The following EML1 variants were observed in gnomAD, a reference collection of about 807,000 sequenced individuals.
EML1 encodes echinoderm microtubule-associated protein-like 1.
In EML1, 27 loss-of-function variants were observed where a neutral mutation model predicts 110.4. The ratio of observed to expected loss-of-function variants is 0.24; its 90% CI spans 0.18 to 0.34. The LOEUF (loss-of-function observed/expected upper bound fraction) is 0.34, where lower values mean the gene tolerates loss of function less well. Ranked by LOEUF, EML1 falls within the 10% of genes least tolerant of loss-of-function variation. The probability of loss-of-function intolerance (pLI) is 1.00; values close to 1 mark genes in which losing one functional copy is unlikely to be tolerated. For synonymous variants in EML1, 344 were observed against 385.8 expected, an observed-to-expected ratio of 0.89 and a Z score of 1.27; for missense variants, 741 against 1,030.9, an observed-to-expected ratio of 0.72 and a Z score of 3.85.
chr14:99,938,667 G>A (rs2060518725), intron 20 of EML1, among the ~76,000 whole-genome samples: 1 of 152,238 alleles, frequency 6.6e-6, no homozygotes, highest in African/African-American at 2.4e-5. Context: ...GGGATGCAGA[G>A]CCTGGAGCCA....
At chr14:99,800,097 G>A (rs1011684747) in intron 1 of EML1, among the ~76,000 whole-genome samples, 7 of 152,134 alleles carry the variant, frequency 4.6e-5, no homozygotes, top group Non-Finnish European at 4.4e-5. Flanking sequence ...CAAACAAAAA[G>A]TGTGCTGTAA....
intron 9 of EML1, among the ~76,000 whole-genome samples, chr14:99,903,210 A>G (rs2140025763): frequency 6.6e-6 from 1 of 152,348 alleles, no homozygotes; most frequent in Non-Finnish European, 1.5e-5. Context: ...GATCAGCAAC[A>G]TTTTAAGCAA....
Position 99,939,281 on chromosome 14 carries a change from A to T in EML1, c.2276A>T (p.Asp759Val). 1 of 1,614,204 alleles carries T rather than the reference A, an allele frequency of 6.2e-7. No individual in the cohort carries two copies. Among genetic ancestry groups the T allele is most frequent in the Non-Finnish European group, 8.5e-7 (1 of 1,180,034 alleles). ...AAGAAACTCCTGTCAACAGGCGACG[A>T]CTTTGGCAAAGTGCACCTCTTCTCA... ...HEKKLLSTGDDFGKVHLFSYP... is the reference protein window; with the variant it reads ...HEKKLLSTGDVFGKVHLFSYP... The change falls in exon 21 of 22, where the codon GAC becomes GTC. Residue 759 changes from aspartate to valine, a missense_variant. Coordinates refer to ENST00000262233, the MANE Select transcript of EML1 (RefSeq NM_004434.3). This position sits in a 1 kb window ranked among gnomAD's most constrained non-coding sequence, Gnocchi z 4.2.
intron 3 of EML1, among the ~76,000 whole-genome samples, chr14:99,866,994 AT>A (rs1187821421): frequency 2.0e-5 from 3 of 152,172 alleles, no homozygotes; most frequent in Non-Finnish European, 4.4e-5. Flanking sequence ...TATATTTGTG[AT>A]ACTGAGGTTT....
At chr14:99,888,477 TTTGA>T (rs1383081221) in intron 4 of EML1, among the ~76,000 whole-genome samples, 1 of 152,256 alleles carries the variant, frequency 6.6e-6, no homozygotes, top group Non-Finnish European at 1.5e-5. Flanking sequence ...CTGGCTTCCC[TTTGA>T]TTATGTTTCT....
At chr14:99,890,750 G>A (rs1401531696) in intron 4 of EML1, among the ~76,000 whole-genome samples, 2 of 152,110 alleles carry the variant, frequency 1.3e-5, no homozygotes, top group Admixed American at 6.5e-5. Context: ...CTTGTCTTCC[G>A]AGAACAGCCA....
At chr14:99,821,427 G>T (rs1182787079) in intron 1 of EML1, among the ~76,000 whole-genome samples, 1 of 152,176 alleles carries the variant, frequency 6.6e-6, no homozygotes, top group Non-Finnish European at 1.5e-5. Flanking sequence ...CTGAGACGGG[G>T]GAATCACTTG....
At position 99,894,629 on chromosome 14, in the gene EML1, A is replaced by T. The variant is rs2059642578; in HGVS notation, c.548A>T (p.Glu183Val). ...SKPKEPVFSAEEGYVKMFLRG... is the reference protein window; with the variant it reads ...SKPKEPVFSAVEGYVKMFLRG... The stretch of plus-strand genomic sequence containing the variant: ...ACTGAAATCTTTGTTCTTTTTGTAG[A>T]AGAAGGCTATGTAAAAATGTTTCTT... The change falls in exon 6 of 22, where the codon GAA becomes GTA. Residue 183 changes from glutamate (E) to valine (V), a missense_variant and splice_region_variant. Coordinates refer to ENST00000262233, the MANE Select transcript of EML1 (RefSeq NM_004434.3). The T allele has an allele frequency of 6.2e-7, 1 of 1,610,892 alleles. No homozygotes were observed. The highest frequency in any genetic ancestry group is 8.5e-7 in the Non-Finnish European group (1 of 1,179,002).
intron 1 of EML1, among the ~76,000 whole-genome samples, chr14:99,811,435 C>T (rs922606271): frequency 6.7e-5 from 10 of 149,316 alleles, no homozygotes; most frequent in Admixed American, 4.7e-4. Flanking sequence ...AGTCGATTAA[C>T]ACATATTTTG....
chr14:99,846,459 T>G (rs2058710169), intron 1 of EML1, among the ~76,000 whole-genome samples: 1 of 151,890 alleles, frequency 6.6e-6, no homozygotes, highest in Admixed American at 6.6e-5. Flanking sequence ...ATTTTTGTAT[T>G]TTTAGTAGAG....
chr14:99,754,211 T>G (rs2057217299), intron 1 of EML1, among the ~76,000 whole-genome samples: 1 of 152,256 alleles, frequency 6.6e-6, no homozygotes, highest in African/African-American at 2.4e-5. Context: ...GCCAGCCTTC[T>G]GAAGATGTTT....
chr14:99,900,791 C>T, intron 8 of EML1, 138 bp from the exon 9 acceptor site: 1 of 680,184 alleles, frequency 1.5e-6, no homozygotes, highest in Non-Finnish European at 2.5e-6. Context: ...CATAAAAAGG[C>T]AGACTCCTGA....
At chr14:99,863,392 T>C (rs1004714111) in intron 2 of EML1, among the ~76,000 whole-genome samples, 1 of 152,182 alleles carries the variant, frequency 6.6e-6, no homozygotes, top group African/African-American at 2.4e-5. Context: ...TACTTCAAGG[T>C]TCACTCTTGG....
At chr14:99,921,246 A>G (rs2060125673) in intron 17 of EML1, among the ~76,000 whole-genome samples, 1 of 151,628 alleles carries the variant, frequency 6.6e-6, no homozygotes, top group Non-Finnish European at 1.5e-5. Context: ...CACAAAGGAC[A>G]TGGTCTTGTT....
chr14:99,908,716 C>T (rs1347076666), intron 10 of EML1, among the ~76,000 whole-genome samples: 1 of 152,070 alleles, frequency 6.6e-6, no homozygotes, highest in Non-Finnish European at 1.5e-5. Context: ...GGAGGTGGCA[C>T]CTGAAGTGCT....
rs138041566 is a variant in EML1 at position 99,929,707 on chromosome 14, A to AAG, written c.1910-6308_1910-6307dup. On this transcript the variant is annotated intron_variant, in intron 17 of 21. Coordinates refer to ENST00000262233, the MANE Select transcript of EML1 (RefSeq NM_004434.3). ...TTAAGTATTTACAGACCTAAGACTA[A>AAG]AGAGAGAGAGAGAGAAAGCATTCGA... Among the ~76,000 whole-genome samples the AAG allele has an allele frequency of 5.3e-5, 8 of 151,854 alleles. No homozygotes were observed. In the South Asian group the frequency reaches 6.2e-4, roughly 12 times the overall value.
chr14:99,914,375 C>T, intron 14 of EML1, 71 bp downstream of exon 14: 1 of 1,571,436 alleles, frequency 6.4e-7, no homozygotes. Context: ...TCAAGCATTA[C>T]AATCAGGTGC....
At chr14:99,740,312 CCAGGT>C (rs2057027297) in intron 1 of EML1, among the ~76,000 whole-genome samples, 1 of 152,178 alleles carries the variant, frequency 6.6e-6, no homozygotes, top group African/African-American at 2.4e-5. Flanking sequence ...AGCACAGAAG[CCAGGT>C]TAGGCCCCTC....
intron 1 of EML1, among the ~76,000 whole-genome samples, chr14:99,739,066 G>GTGTGTA (rs1555385387): frequency 7.1e-5 from 1 of 14,012 alleles, no homozygotes. Context: ...GAGTGTGAGA[G>GTGTGTA]TGTGTGTGTG....
Sources: allele counts gnomAD v4.1 joint callset (sites outside exome capture counted in the v4.1 genomes callset), GRCh38; gene constraint gnomAD v4.1.1; non-coding constraint Gnocchi (gnomAD v3.1); transcripts MANE v1.5; gene names NCBI Gene and HGNC (gene_info 2026-07-23, HGNC 2026-07-21).